SEMA3E: variants seen among roughly 807,000 people sequenced by gnomAD.
SEMA3E encodes the protein semaphorin-3E.
A neutral mutation model predicts 93.6 loss-of-function variants in SEMA3E; 49 were observed. The ratio of observed to expected loss-of-function variants is 0.52; its 90% CI spans 0.42 to 0.66. The LOEUF is 0.66. SEMA3E is among the 30% of genes least tolerant of loss of function. SEMA3E has a pLI of 0.00. For missense variants in SEMA3E, 906 were observed against 964.8 expected (o/e 0.94, Z 0.81); for synonymous variants, 363 against 330.7 (o/e 1.10, Z -1.06).
intron 11 of SEMA3E, among the ~76,000 whole-genome samples, chr7:83,397,676 A>C (rs1788152286): frequency 6.6e-6 from 1 of 152,184 alleles, no homozygotes; most frequent in African/African-American, 2.4e-5. Context: ...TAAAAATTTT[A>C]ACAACACATT....
At chr7:83,459,312 A>T (rs1789560871) in intron 4 of SEMA3E, among the ~76,000 whole-genome samples, 1 of 152,192 alleles carries the variant, frequency 6.6e-6, no homozygotes, top group Non-Finnish European at 1.5e-5. Context: ...ACAAAACCAC[A>T]AAGCAACTAT....
Position 83,515,740 on chromosome 7 carries a change from G to A in SEMA3E, c.116-25466C>T, listed in dbSNP as rs2115665824. Among the ~76,000 whole-genome samples the A allele has an allele frequency of 2.0e-5, 3 of 152,230 alleles. 1 individual carries two copies. The East Asian group carries it at 5.8e-4, about 29-fold the overall frequency. ...GTTGAGTCTCTACACAAAACAGCTG[G>A]TTGTTCGAGGGGAGTGGTGGCTCAT... On this transcript the variant is annotated intron_variant, in intron 1 of 16. Coordinates refer to ENST00000643230, the MANE Select transcript of SEMA3E (RefSeq NM_012431.3).
intron 4 of SEMA3E, among the ~76,000 whole-genome samples, chr7:83,441,915 G>A (rs1789122656): frequency 1.3e-5 from 2 of 152,090 alleles, no homozygotes; most frequent in Non-Finnish European, 2.9e-5. Flanking sequence ...GACTAAGATT[G>A]GGGTAATGTT....
intron 1 of SEMA3E, among the ~76,000 whole-genome samples, chr7:83,617,523 T>G (rs1211354066): frequency 7.0e-6 from 1 of 143,588 alleles, no homozygotes; most frequent in Non-Finnish European, 1.5e-5. Flanking sequence ...ATATATAATT[T>G]TATATAAATT....
At chr7:83,420,942 G>T (rs566391563) in intron 4 of SEMA3E, among the ~76,000 whole-genome samples, 1 of 133,504 alleles carries the variant, frequency 7.5e-6, no homozygotes, top group African/African-American at 2.6e-5. Flanking sequence ...GTCCTCAAAA[G>T]CAATTGCAAC....
chr7:83,611,755 C>T (rs1584363630), intron 1 of SEMA3E, among the ~76,000 whole-genome samples: 4 of 152,068 alleles, frequency 2.6e-5, no homozygotes, highest in African/African-American at 2.4e-5. Flanking sequence ...TATTAAAATC[C>T]CCTACAGATT....
At chr7:83,473,731 G>A (rs1004574196) in intron 2 of SEMA3E, among the ~76,000 whole-genome samples, 1 of 152,074 alleles carries the variant, frequency 6.6e-6, no homozygotes, top group African/African-American at 2.4e-5. Flanking sequence ...TCTTTTACAC[G>A]AATGATTCCT....
At chr7:83,645,905 C>T (rs1221316133) in intron 1 of SEMA3E, among the ~76,000 whole-genome samples, 1 of 151,984 alleles carries the variant, frequency 6.6e-6, no homozygotes, top group Non-Finnish European at 1.5e-5. Context: ...TAATTTAACT[C>T]ACGCTCTGTA....
At chr7:83,463,710 G>GT (rs1789686583) in intron 4 of SEMA3E, among the ~76,000 whole-genome samples, 1 of 152,108 alleles carries the variant, frequency 6.6e-6, no homozygotes, top group Non-Finnish European at 1.5e-5. Context: ...TATAGTACAA[G>GT]CCACTAGCCC....
At chr7:83,458,953 A>G (rs2713179) in intron 4 of SEMA3E, among the ~76,000 whole-genome samples, 73,410 of 143,750 alleles carry the variant, frequency 0.51, 20,837 homozygotes, top group East Asian at 0.87. Context: ...ACATATGTAT[A>G]TGTGTGTGTG....
chr7:83,367,740 A>G lies in SEMA3E; in HGVS notation c.2174T>C (p.Val725Ala). Residue 725 changes from valine (V) to alanine (A), a missense_variant, in exon 17 of 17, where the codon GTG (valine) becomes GCG (alanine). Val to Ala is a moderately conservative substitution (Grantham distance 64). Transcript: ENST00000643230. ...CCATACTTTCTCGCAGTATTCTTCC[A>G]CTCTCTGGAAGTTGCTATAACCGAT... ...QLIGYSNFQRVEEYCEKVWCT... is the reference protein window; with the variant it reads ...QLIGYSNFQRAEEYCEKVWCT... The G allele has an allele frequency of 6.2e-7, 1 of 1,613,548 alleles. No homozygotes were observed. Among genetic ancestry groups the G allele is most frequent in the Non-Finnish European group, 8.5e-7 (1 of 1,179,882 alleles).
At chr7:83,462,042 A>T (rs1450515837) in intron 4 of SEMA3E, 1 of 152,096 alleles carries the variant, frequency 6.6e-6, no homozygotes, top group Non-Finnish European at 1.5e-5. Context: ...GGACTGTTCA[A>T]CTCACGTGGC....
rs75394629 is a variant in SEMA3E at position 83,468,244 on chromosome 7, T to A, written c.336+999A>T. Among the ~76,000 whole-genome samples, 783 of 152,316 alleles carry A rather than the reference T, an allele frequency of 5.1e-3. 14 individuals are homozygous for A. Among genetic ancestry groups the A allele is most frequent in the African/African-American group, 0.018 (751 of 41,574 alleles). On this transcript the variant is annotated intron_variant, in intron 3 of 16. Coordinates refer to ENST00000643230, the MANE Select transcript of SEMA3E (RefSeq NM_012431.3). Reference sequence around the variant, plus strand: ...TCTTCAAGTTTGCATTCACATGATATTTTATTCTTTGGGTGACCCATATAT... The same window carrying A: ...TCTTCAAGTTTGCATTCACATGATAATTTATTCTTTGGGTGACCCATATAT...
At position 83,399,964 on chromosome 7, in the gene SEMA3E, T is replaced by G. The variant is rs2255906; in HGVS notation, c.1366+64A>C. ...TTGTCGATAGGTGCTTTTAGAAATA[T>G]TATTAAAATTATTGAATTTAAGGGT... On this transcript the variant is annotated intron_variant, in intron 11 of 16. Transcript: ENST00000643230. 837,986 of 1,233,178 alleles carry G rather than the reference T, an allele frequency of 0.68. 294,401 individuals are homozygous for G. The highest frequency in any genetic ancestry group is 0.83 in the East Asian group (35,871 of 43,038). The allele number at this position is 1,233,178 out of a possible 1,614,324, so 76.4% of individuals were successfully genotyped here.
chr7:83,547,729 T>A (rs1203915887), intron 1 of SEMA3E, among the ~76,000 whole-genome samples: 3 of 151,980 alleles, frequency 2.0e-5, no homozygotes, highest in Non-Finnish European at 4.4e-5. Flanking sequence ...GGTTAGCAGG[T>A]TTGTCTAAAG....
chr7:83,540,807 A>C (rs1791516270), intron 1 of SEMA3E, among the ~76,000 whole-genome samples: 2 of 152,218 alleles, frequency 1.3e-5, no homozygotes, highest in Non-Finnish European at 1.5e-5. Context: ...TGAGAATAAT[A>C]CTGAAATAAA....
chr7:83,617,330 T>C lies in SEMA3E; in HGVS notation c.115+31098A>G, dbSNP rs968982756. Among the ~76,000 whole-genome samples the C allele has an allele frequency of 6.6e-5, 10 of 150,406 alleles. 1 individual carries two copies. The highest frequency in any genetic ancestry group is 4.0e-4 in the Admixed American group (6 of 14,998). On this transcript the variant is annotated intron_variant, in intron 1 of 16. Transcript: ENST00000643230. ...AAGGTTAAGTATAAAGGGGTGAAAC[T>C]AACCCCACCAAATATTTTTCCTTAA...
intron 1 of SEMA3E, among the ~76,000 whole-genome samples, chr7:83,578,373 A>G (rs1792451718): frequency 2.0e-5 from 3 of 152,128 alleles, no homozygotes; most frequent in South Asian, 2.1e-4. Flanking sequence ...CCTGGCTAAC[A>G]TGGCGAAACC....
chr7:83,501,307 ATG>A (rs1790592416), intron 1 of SEMA3E, among the ~76,000 whole-genome samples: 2 of 152,208 alleles, frequency 1.3e-5, no homozygotes, highest in Admixed American at 1.3e-4. Context: ...CAAAAGTGTA[ATG>A]TTATAATTAC....
Sources: allele counts gnomAD v4.1 joint callset (sites outside exome capture counted in the v4.1 genomes callset), GRCh38; gene constraint gnomAD v4.1.1; transcripts MANE v1.5; gene names NCBI Gene and HGNC (gene_info 2026-07-23, HGNC 2026-07-21).